Variants in UBR3 observed in about 807,000 individuals in gnomAD.
UBR3 encodes ubiquitin protein ligase E3 component n-recognin 3, also known as E3 ubiquitin-protein ligase UBR3.
A neutral mutation model predicts 243.2 loss-of-function variants in UBR3; 85 were observed. That is an observed-to-expected ratio of 0.35 (90% CI 0.29 to 0.42). The LOEUF is 0.42. Ranked by LOEUF, UBR3 falls within the 10% of genes least tolerant of loss-of-function variation. The pLI is 1.00. For synonymous variants in UBR3, 748 were observed against 799.8 expected, an observed-to-expected ratio of 0.94 and a Z score of 1.09; for missense variants, 1,686 against 2,300.8, an observed-to-expected ratio of 0.73 and a Z score of 5.47.
chr2:169,947,157 C>T (rs1412290002), intron 21 of UBR3, among the ~76,000 whole-genome samples: 4 of 152,066 alleles, frequency 2.6e-5, no homozygotes, highest in Admixed American at 1.3e-4. Context: ...AAAGATTCCT[C>T]TATGATTAGT....
intron 11 of UBR3, among the ~76,000 whole-genome samples, chr2:169,914,848 TTGTG>T (rs138233075): frequency 0.37 from 34,727 of 93,516 alleles, 4,130 homozygotes; most frequent in South Asian, 0.59. Context: ...ATTTTATCTC[TTGTG>T]TGTGTGTGTG....
chr2:170,079,852 C>A lies in UBR3; in HGVS notation c.5238C>A (p.His1746Gln). Reference protein sequence around the residue: ...LIQESKWKLPHLLQLPENYNT... With the variant: ...LIQESKWKLPQLLQLPENYNT... ...AAGAGTCAAAATGGAAATTACCACA[C>A]CTACTACAGTTGCCTGAGAATTATA... The change falls in exon 37 of 39, where the codon CAC (histidine) becomes CAA (glutamine). Residue 1746 changes from histidine to glutamine, a missense_variant. His to Gln is a conservative substitution (Grantham distance 24, BLOSUM62 0). Transcript: ENST00000272793. 3 of 1,613,948 alleles carry A rather than the reference C, an allele frequency of 1.9e-6. No homozygotes were observed. The highest frequency in any genetic ancestry group is 1.7e-4 in the Middle Eastern group (1 of 6,056).
chr2:169,976,485 A>G (rs970169157), intron 24 of UBR3, among the ~76,000 whole-genome samples: 1 of 151,846 alleles, frequency 6.6e-6, no homozygotes, highest in Non-Finnish European at 1.5e-5. Flanking sequence ...TCTAGGAGAG[A>G]CTTTATTTCT....
At chr2:169,924,292 AG>A (rs1287956044) in intron 13 of UBR3, 119 bp downstream of exon 13, 42 of 762,824 alleles carry the variant, frequency 5.5e-5, no homozygotes, top group Admixed American at 3.5e-5. Context: ...TTTTTTAAAA[AG>A]TTGTTATTGT....
intron 1 of UBR3, among the ~76,000 whole-genome samples, chr2:169,836,479 C>T (rs948004131): frequency 6.6e-6 from 1 of 151,682 alleles, no homozygotes; most frequent in African/African-American, 2.4e-5. Context: ...CACACAGGGG[C>T]CTGTTGGGTC....
At position 169,852,872 on chromosome 2, in the gene UBR3, A is replaced by AC. The variant is rs1476788836; in HGVS notation, c.546-19364_546-19363insC. Among the ~76,000 whole-genome samples the AC allele has an allele frequency of 1.6e-4, 23 of 145,074 alleles. 1 individual carries two copies. Among genetic ancestry groups the AC allele is most frequent in the African/African-American group, 5.4e-4 (22 of 40,708 alleles). On this transcript the variant is annotated intron_variant, in intron 1 of 38. Transcript: ENST00000272793. ...TCTCAAAAAAAAAAAAAAAAAAAAAAAAAAAACAAAACCAAACAAATTGAG... is the reference window on the plus strand; with the variant it reads ...TCTCAAAAAAAAAAAAAAAAAAAAAACAAAAAACAAAACCAAACAAATTGAG...
intron 25 of UBR3, among the ~76,000 whole-genome samples, chr2:169,987,412 A>C (rs2089068959): frequency 6.6e-6 from 1 of 150,788 alleles, no homozygotes; most frequent in African/African-American, 2.4e-5. Context: ...AAAAAAACAA[A>C]AAAAAAACAA....
At chr2:169,977,899 A>G (rs1327009105) in intron 24 of UBR3, among the ~76,000 whole-genome samples, 1 of 152,106 alleles carries the variant, frequency 6.6e-6, no homozygotes, top group Non-Finnish European at 1.5e-5. Flanking sequence ...CACTGCATTG[A>G]TATCTGTACA....
chr2:169,891,943 C>G (rs2084393744), intron 6 of UBR3, among the ~76,000 whole-genome samples: 1 of 152,096 alleles, frequency 6.6e-6, no homozygotes, highest in South Asian at 2.1e-4. Context: ...TGGATTTTTG[C>G]CAGGGATTTT....
At chr2:170,004,804 G>A (rs11685507) in intron 27 of UBR3, among the ~76,000 whole-genome samples, 65,533 of 151,850 alleles carry the variant, frequency 0.43, 15,502 homozygotes, top group Non-Finnish European at 0.54. Context: ...CCACCTACTC[G>A]GGAGGCTGAG....
intron 2 of UBR3, among the ~76,000 whole-genome samples, chr2:169,874,329 C>T (rs911547820): frequency 1.1e-4 from 16 of 152,064 alleles, no homozygotes; most frequent in South Asian, 4.2e-4. Context: ...CCACCACGCC[C>T]GGCTAATTTT....
intron 24 of UBR3, among the ~76,000 whole-genome samples, chr2:169,979,477 T>C (rs760709374): frequency 2.0e-5 from 3 of 152,210 alleles, no homozygotes; most frequent in Admixed American, 1.3e-4. Flanking sequence ...TATTTATAAT[T>C]GCTCAGAATT....
intron 25 of UBR3, among the ~76,000 whole-genome samples, chr2:169,987,254 G>A (rs1021423556): frequency 6.6e-6 from 1 of 151,870 alleles, no homozygotes; most frequent in Non-Finnish European, 1.5e-5. Flanking sequence ...ATTGGCCGGT[G>A]TGGTGGAGGG....
chr2:170,022,508 G>A (rs1027016482), intron 30 of UBR3, among the ~76,000 whole-genome samples: 4 of 152,072 alleles, frequency 2.6e-5, no homozygotes, highest in Non-Finnish European at 4.4e-5. Flanking sequence ...AAGGAACACC[G>A]GGTTGGAGTT....
intron 33 of UBR3, among the ~76,000 whole-genome samples, chr2:170,060,729 G>A (rs968218698): frequency 7.9e-5 from 12 of 151,992 alleles, no homozygotes; most frequent in South Asian, 2.1e-4. Flanking sequence ...TGCTGTACTG[G>A]ATGTCTTGTA....
intron 24 of UBR3, among the ~76,000 whole-genome samples, chr2:169,982,967 T>C (rs1407122734): frequency 6.6e-6 from 1 of 152,104 alleles, no homozygotes; most frequent in African/African-American, 2.4e-5. Context: ...TGCTGATTGG[T>C]TAACAGGGGG....
intron 1 of UBR3, among the ~76,000 whole-genome samples, chr2:169,855,542 G>GGT (rs1399839506): frequency 6.6e-6 from 1 of 151,636 alleles, no homozygotes; most frequent in African/African-American, 2.4e-5. Context: ...ATTAGGGAGT[G>GGT]GTGATGACTC....
At chr2:170,080,816 T>G in intron 38 of UBR3, 132 bp downstream of exon 38, 1 of 1,024,062 alleles carries the variant, frequency 9.8e-7, no homozygotes, top group Non-Finnish European at 1.4e-6. Flanking sequence ...TTTAGAGCTA[T>G]TTCTAGTTTT....
intron 1 of UBR3, among the ~76,000 whole-genome samples, chr2:169,857,064 G>GTTTTGTTTTTTTTTTTTTTTTTTTTTTT (rs1255937396): frequency 1.8e-5 from 1 of 56,082 alleles, no homozygotes. Context: ...ATTTTATTAT[G>GTTTTGTTTTTTTTTTTTTTTTTTTTTTT]TTTTTTTTTT....
Sources: allele counts gnomAD v4.1 joint callset (sites outside exome capture counted in the v4.1 genomes callset), GRCh38; gene constraint gnomAD v4.1.1; transcripts MANE v1.5; gene names NCBI Gene and HGNC (gene_info 2026-07-23, HGNC 2026-07-21).